The following TTC21B variants were observed in gnomAD, a reference collection of about 807,000 sequenced individuals.
TTC21B encodes tetratricopeptide repeat protein 21B.
A neutral mutation model predicts 175.1 loss-of-function variants in TTC21B; 127 were observed. The ratio of observed to expected loss-of-function variants is 0.73; its 90% CI spans 0.63 to 0.84. TTC21B has a LOEUF of 0.84. Ranked by LOEUF, TTC21B falls within the 40% of genes least tolerant of loss-of-function variation. The pLI is 0.00. For synonymous variants in TTC21B, 524 were observed against 524.5 expected (o/e 1.00, Z 0.01); for missense variants, 1,561 against 1,558.3 (o/e 1.00, Z -0.03).
At position 165,929,154 on chromosome 2, in the gene TTC21B, A is replaced by G. The variant is rs762283044; in HGVS notation, c.1367T>C (p.Leu456Pro). ...ACTTACCTGCATTGGACAGAAGCTC[A>G]GATACTCCATAACAATTTCTAACAA... ...DFLLEIVMEY[L>P]SFCPMQPASP... is the part of the protein sequence containing the mutation. Residue 456 changes from leucine to proline, a missense_variant, in exon 11 of 29, where the codon CTG becomes CCG. Transcript: ENST00000243344. The G allele has an allele frequency of 1.2e-6, 2 of 1,612,828 alleles. No homozygotes were observed. The highest frequency in any genetic ancestry group is 3.3e-5 in the Admixed American group (2 of 59,920).
intron 18 of TTC21B, among the ~76,000 whole-genome samples, chr2:165,910,973 T>C (rs758198543): frequency 4.6e-5 from 7 of 152,150 alleles, no homozygotes; most frequent in Non-Finnish European, 7.4e-5. Context: ...GACTTATGCA[T>C]TATATTCTTT....
At chr2:165,925,284 T>A (rs1447664486) in intron 11 of TTC21B, among the ~76,000 whole-genome samples, 1 of 152,228 alleles carries the variant, frequency 6.6e-6, no homozygotes, top group Non-Finnish European at 1.5e-5. Context: ...ATGAGTATGA[T>A]AATTAAAGTG....
chr2:165,951,448 T>TA (rs905012528), intron 1 of TTC21B, among the ~76,000 whole-genome samples: 252 of 149,952 alleles, frequency 1.7e-3, no homozygotes, highest in East Asian at 0.013. Flanking sequence ...GTTAATGGAA[T>TA]AAAAAAAAAA....
intron 25 of TTC21B, among the ~76,000 whole-genome samples, chr2:165,886,122 C>T (rs901754671): frequency 2.6e-5 from 4 of 152,156 alleles, no homozygotes; most frequent in African/African-American, 9.7e-5. Flanking sequence ...TGACTTTGTT[C>T]ACATTTTCCT....
intron 6 of TTC21B, among the ~76,000 whole-genome samples, chr2:165,934,319 C>T (rs993756210): frequency 6.6e-6 from 1 of 150,898 alleles, no homozygotes; most frequent in African/African-American, 2.4e-5. Flanking sequence ...AAGAGAAACA[C>T]GGAGAACTCC....
chr2:165,899,655 T>G, intron 21 of TTC21B, 115 bp downstream of exon 21: 1 of 724,892 alleles, frequency 1.4e-6, no homozygotes, highest in Admixed American at 2.0e-5. Flanking sequence ...AAATGTTATT[T>G]CTTCCAAAAG....
At chr2:165,926,080 T>A (rs1461533295) in intron 11 of TTC21B, among the ~76,000 whole-genome samples, 1 of 152,190 alleles carries the variant, frequency 6.6e-6, no homozygotes, top group African/African-American at 2.4e-5. Context: ...GTCAAAGAAG[T>A]AGGAACAGAG....
intron 3 of TTC21B, chr2:165,949,169 A>G (rs1300394753): frequency 1.8e-6 from 1 of 548,326 alleles, no homozygotes; most frequent in Non-Finnish European, 3.3e-6. Context: ...CTATGTACTA[A>G]TGAAACCTCT....
chr2:165,900,540 T>C (rs986894523), intron 20 of TTC21B, among the ~76,000 whole-genome samples: 2 of 152,168 alleles, frequency 1.3e-5, no homozygotes, highest in Non-Finnish European at 2.9e-5. Flanking sequence ...TAATCAGTCA[T>C]GTATGTAAAT....
intron 22 of TTC21B, among the ~76,000 whole-genome samples, chr2:165,897,382 G>C (rs1685406603): frequency 6.6e-6 from 1 of 152,124 alleles, no homozygotes; most frequent in African/African-American, 2.4e-5. Flanking sequence ...GCACTAACAA[G>C]GATTTGCTGA....
At position 165,898,519 on chromosome 2, in the gene TTC21B, C is replaced by T. The variant is rs1189319586; in HGVS notation, c.2950+167G>A. ...AAAGTGAGACCAGTCAACAGTGTTG[C>T]AATTTCCTTATAGCCATTTCAGCTA... On this transcript the variant is annotated intron_variant, in intron 22 of 28. Transcript: ENST00000243344. 1.5e-5 allele frequency: 10 copies of T among 679,954 alleles called. No homozygotes were observed. The African/African-American group carries it at 1.8e-4, about 12-fold the overall frequency. 42.1% of individuals were successfully genotyped at this position (679,954 alleles called of 1,614,324 possible).
In TTC21B at chr2:165,943,311, TA is replaced by T. The variant is rs1559075003; in HGVS notation, c.459del (p.Thr154GlnfsTer12). ...TTAGTGTAAGGCTCTTTTCCTCTTG[TA>T]ATATCAAGCCATGCTTTCAAAACGT... ...QGHVLKAWLD[I>X]TRGKEPYTKK... On this transcript the variant is annotated frameshift_variant, in exon 5 of 29. Transcript: ENST00000243344. LOFTEE classifies it high-confidence loss of function. The T allele has an allele frequency of 6.2e-7, 1 of 1,610,612 alleles. No individual in the cohort carries two copies. The highest frequency in any genetic ancestry group is 1.3e-5 in the African/African-American group (1 of 74,972).
In TTC21B at chr2:165,890,445, T is replaced by A. The variant is rs201510481; in HGVS notation, c.3263+34A>T. On this transcript the variant is annotated intron_variant, in intron 24 of 28. Coordinates refer to ENST00000243344, the MANE Select transcript of TTC21B (RefSeq NM_024753.5). ...CCTGTTTATTATCTCCAACAAGTGT[T>A]TTTTAAAAAAGGATAATATGTCAAA... 158 of 1,607,578 alleles carry A rather than the reference T, an allele frequency of 9.8e-5. 1 individual carries two copies. The East Asian group carries it at 2.5e-3, about 25-fold the overall frequency.
intron 20 of TTC21B, 151 bp downstream of exon 20, chr2:165,901,571 C>G: frequency 2.8e-6 from 2 of 714,258 alleles, no homozygotes; most frequent in South Asian, 3.4e-5. Context: ...GATCCACATG[C>G]CTTGGCCTCC....
At chr2:165,941,247 G>T in intron 5 of TTC21B, 63 bp from the exon 6 acceptor site, 1 of 1,543,508 alleles carries the variant, frequency 6.5e-7, no homozygotes, top group Non-Finnish European at 9.0e-7. Flanking sequence ...TTCTCATAAC[G>T]CAGAGCAGGC....
In TTC21B at chr2:165,930,413, C is replaced by T. The variant is rs765318289; in HGVS notation, c.895-49G>A. Reference sequence around the variant, plus strand: ...AAGATTTCAAAGTCTAACATTTCTACTGAGACTAAAGGATTATTTTTTCTA... The same window carrying T: ...AAGATTTCAAAGTCTAACATTTCTATTGAGACTAAAGGATTATTTTTTCTA... On this transcript the variant is annotated intron_variant, in intron 8 of 28. Coordinates refer to ENST00000243344, the MANE Select transcript of TTC21B (RefSeq NM_024753.5). 12 of 1,350,454 alleles carry T rather than the reference C, an allele frequency of 8.9e-6. No individual in the cohort carries two copies. In the African/African-American group the frequency reaches 1.5e-4, roughly 16 times the overall value. 83.7% of individuals were successfully genotyped at this position (1,350,454 alleles called of 1,614,324 possible). A position where few individuals can be genotyped will look rare whatever the true frequency, so the allele number is the denominator to read the frequency against.
At position 165,952,483 on chromosome 2, in the gene TTC21B, T is replaced by C. The variant is rs1033482754; in HGVS notation, c.21+1202A>G. 5.3e-5 allele frequency among the ~76,000 whole-genome samples: 8 copies of C among 152,298 alleles called. No individual in the cohort carries two copies. In the South Asian group the frequency reaches 6.2e-4, roughly 12 times the overall value. On this transcript the variant is annotated intron_variant, in intron 1 of 28. Coordinates refer to ENST00000243344, the MANE Select transcript of TTC21B (RefSeq NM_024753.5). ...GGAGGCTTAAGTGAGACAGAGAGTA[T>C]TGGATGATGAGGTTGGAGACGAAGG... is the stretch of plus-strand genomic sequence containing the variant.
rs914742495 is a variant in TTC21B, at chr2:165,946,697, C to T, written c.263-1007G>A. ...AAAATAAAAAACAAAAATAGATGGG[C>T]GTGGTGGTGGGTGCCTGTAATCCCA... On this transcript the variant is annotated intron_variant, in intron 3 of 28. Transcript: ENST00000243344. Among the ~76,000 whole-genome samples the T allele has an allele frequency of 2.0e-5, 3 of 151,800 alleles. No individual in the cohort carries two copies. The East Asian group carries it at 5.8e-4, about 30-fold the overall frequency.
intron 22 of TTC21B, among the ~76,000 whole-genome samples, chr2:165,894,877 C>A (rs1241424675): frequency 6.6e-6 from 1 of 152,098 alleles, no homozygotes; most frequent in Non-Finnish European, 1.5e-5. Context: ...TAGTAAAATA[C>A]TATAAGTAAT....
Sources: allele counts gnomAD v4.1 joint callset (sites outside exome capture counted in the v4.1 genomes callset), GRCh38; gene constraint gnomAD v4.1.1; transcripts MANE v1.5; gene names NCBI Gene and HGNC (gene_info 2026-07-23, HGNC 2026-07-21).